The following PGBD5 variants were observed in gnomAD, a reference collection of about 807,000 sequenced individuals.
PGBD5 encodes the protein piggyBac transposable element-derived protein 5.
PGBD5 carries 14 observed loss-of-function variants against 47.9 expected under a neutral mutation model. The ratio of observed to expected loss-of-function variants is 0.29; its 90% CI spans 0.19 to 0.46. The LOEUF is 0.46. Among genes scored for constraint, PGBD5 ranks in the 20% least tolerant of loss-of-function variants. The pLI, the probability that PGBD5 is intolerant of heterozygous loss-of-function variation, is 1.00. For missense variants in PGBD5, 635 were observed against 716.0 expected, an observed-to-expected ratio of 0.89 and a Z score of 1.29; for synonymous variants, 316 against 306.3, an observed-to-expected ratio of 1.03 and a Z score of -0.33.
Position 230,321,931 on chromosome 1 carries a change from G to A in PGBD5, c.*1494C>T, listed in dbSNP as rs965925001. On this transcript the variant is annotated 3_prime_UTR_variant, in exon 7 of 7. Coordinates refer to ENST00000391860, the MANE Select transcript of PGBD5 (RefSeq NM_001258311.2). ...AGGGCGGGGGAGTCACCATGATCTAGAGCACAGGAGCCACGTGGGGCCCGG... is the reference window on the plus strand; with the variant it reads ...AGGGCGGGGGAGTCACCATGATCTAAAGCACAGGAGCCACGTGGGGCCCGG... 2.6e-5 allele frequency: 4 copies of A among 152,596 alleles called. No individual in the cohort carries two copies. The highest frequency in any genetic ancestry group is 9.6e-5 in the African/African-American group (4 of 41,462). The allele number at this position is 152,596 out of a possible 1,614,324, so 9.5% of individuals were successfully genotyped here. A position where few individuals can be genotyped will look rare whatever the true frequency, so the allele number is the denominator to read the frequency against.
intron 1 of PGBD5, among the ~76,000 whole-genome samples, chr1:230,358,598 C>T (rs570102457): frequency 1.3e-5 from 2 of 152,086 alleles, no homozygotes; most frequent in African/African-American, 2.4e-5. Flanking sequence ...CCCGCCCCCC[C>T]ACAAGATGTT....
At chr1:230,390,732 T>C (rs75356415) in intron 1 of PGBD5, among the ~76,000 whole-genome samples, 2 of 152,168 alleles carry the variant, frequency 1.3e-5, no homozygotes, top group East Asian at 3.9e-4. Context: ...TAGCAGAGGC[T>C]CATTGCCAGT....
rs1049000845 is a variant in PGBD5 at position 230,425,692 on chromosome 1, G to A, written c.237C>T (p.Ala79=). Residue 79 remains alanine (A), a synonymous_variant, in exon 1 of 7, where the codon GCC becomes GCT. Transcript: ENST00000391860. The surrounding 1 kb of genome is among the most constrained non-coding windows in gnomAD (Gnocchi z 4.7). ...CCTCCTCCGGCTCCTGTGCGTCCGG[G>A]GCGCGGGGCGGTGGCGGGGCGGCCC... ...PPGAAPPPPR[A]PDAQEPEEDE... 10 of 1,216,488 alleles carry A rather than the reference G, an allele frequency of 8.2e-6. No individual in the cohort carries two copies. Among genetic ancestry groups the A allele is most frequent in the Non-Finnish European group, 1.0e-5 (10 of 978,224 alleles). 75.4% of individuals were successfully genotyped at this position (1,216,488 alleles called of 1,614,324 possible). A position where few individuals can be genotyped will look rare whatever the true frequency, so the allele number is the denominator to read the frequency against.
At chr1:230,358,892 A>C (rs1667699969) in intron 1 of PGBD5, among the ~76,000 whole-genome samples, 1 of 152,144 alleles carries the variant, frequency 6.6e-6, no homozygotes. Context: ...CTAATGATGC[A>C]TTTCTCAGAA....
At chr1:230,399,539 T>A (rs1349560379) in intron 1 of PGBD5, among the ~76,000 whole-genome samples, 1 of 152,138 alleles carries the variant, frequency 6.6e-6, no homozygotes, top group Non-Finnish European at 1.5e-5. Context: ...GGCAGGTACA[T>A]GCCATCTCCT....
At chr1:230,408,265 T>C (rs1490258471) in intron 1 of PGBD5, among the ~76,000 whole-genome samples, 1 of 152,222 alleles carries the variant, frequency 6.6e-6, no homozygotes, top group Non-Finnish European at 1.5e-5. Flanking sequence ...TCTTGTATCC[T>C]AGAAATTCCT....
At chr1:230,385,144 G>A (rs1429971781) in intron 1 of PGBD5, among the ~76,000 whole-genome samples, 3 of 151,866 alleles carry the variant, frequency 2.0e-5, no homozygotes, top group Non-Finnish European at 2.9e-5. Context: ...TCAGTCTCGC[G>A]CACGTGTTAT....
At chr1:230,367,311 C>T (rs1667851180) in intron 1 of PGBD5, among the ~76,000 whole-genome samples, 1 of 152,192 alleles carries the variant, frequency 6.6e-6, no homozygotes, top group Non-Finnish European at 1.5e-5. Context: ...TGGCACACGT[C>T]CTCCTGCCCT....
At chr1:230,331,975 T>C (rs889499481) in intron 5 of PGBD5, among the ~76,000 whole-genome samples, 3 of 2,124 alleles carry the variant, frequency 1.4e-3, no homozygotes, top group African/African-American at 2.0e-3. Context: ...GCAACATACA[T>C]TAAACATAGA....
chr1:230,397,024 C>T (rs1657001703), intron 1 of PGBD5, among the ~76,000 whole-genome samples: 1 of 152,196 alleles, frequency 6.6e-6, no homozygotes, highest in African/African-American at 2.4e-5. Context: ...CTGGGAGGTG[C>T]ACTGTTGTCA....
intron 1 of PGBD5, among the ~76,000 whole-genome samples, chr1:230,410,033 AAGAG>A (rs1379745677): frequency 1.3e-5 from 2 of 152,212 alleles, no homozygotes; most frequent in Non-Finnish European, 2.9e-5. Context: ...TATGCTGTTC[AAGAG>A]ACATACCTAA....
At chr1:230,424,074 G>A (rs1012489116) in intron 1 of PGBD5, among the ~76,000 whole-genome samples, 2 of 152,002 alleles carry the variant, frequency 1.3e-5, no homozygotes, top group African/African-American at 4.8e-5. Context: ...TCTCTATTTC[G>A]CCCTGAGACA....
In PGBD5 at chr1:230,317,236, C is replaced by CA. The variant is rs1164552359; in HGVS notation, c.*6188dup. 6.6e-6 allele frequency: 1 copy of CA among 152,318 alleles called. No individual in the cohort carries two copies. The highest frequency in any genetic ancestry group is 1.5e-5 in the Non-Finnish European group (1 of 68,116). The allele number at this position is 152,318 out of a possible 1,614,324, so 9.4% of individuals were successfully genotyped here. ...GGTAACACGTGCCCAGTTCTTAGCACAATGCCTGGCCTGTAGCAGTTCAGA... is the reference window on the plus strand; with the variant it reads ...GGTAACACGTGCCCAGTTCTTAGCACAAATGCCTGGCCTGTAGCAGTTCAGA... On this transcript the variant is annotated 3_prime_UTR_variant, in exon 7 of 7. Transcript: ENST00000391860.
chr1:230,359,819 C>T (rs1667715343), intron 1 of PGBD5, among the ~76,000 whole-genome samples: 1 of 152,232 alleles, frequency 6.6e-6, no homozygotes, highest in Non-Finnish European at 1.5e-5. Context: ...CTCTAACTAT[C>T]TGCATTTTAC....
chr1:230,380,809 C>T (rs1656444290), intron 1 of PGBD5, among the ~76,000 whole-genome samples: 1 of 152,152 alleles, frequency 6.6e-6, no homozygotes, highest in Non-Finnish European at 1.5e-5. Flanking sequence ...GCTCTGTCCA[C>T]CAAAAGGCTC....
chr1:230,315,934 ATATG>A lies in PGBD5; in HGVS notation c.*7487_*7490del, dbSNP rs774209838. On this transcript the variant is annotated 3_prime_UTR_variant, in exon 7 of 7. Coordinates refer to ENST00000391860, the MANE Select transcript of PGBD5 (RefSeq NM_001258311.2). ...TGTATATGTGTATATGTGTACACAT[ATATG>A]TATGTGTATACATACATAAGTATAT... 3 of 122,954 alleles carry A rather than the reference ATATG, an allele frequency of 2.4e-5. No individual in the cohort carries two copies. The highest frequency in any genetic ancestry group is 6.1e-5 in the African/African-American group (2 of 32,800). 7.6% of individuals were successfully genotyped at this position (122,954 alleles called of 1,614,324 possible).
intron 1 of PGBD5, among the ~76,000 whole-genome samples, chr1:230,410,961 G>C (rs74909981): frequency 0.015 from 2,268 of 152,072 alleles, 65 homozygotes; most frequent in African/African-American, 0.052. Flanking sequence ...TGAGGGGAAA[G>C]GTAGGGGAAG....
chr1:230,412,448 G>A (rs1017187687), intron 1 of PGBD5, among the ~76,000 whole-genome samples: 1 of 149,144 alleles, frequency 6.7e-6, no homozygotes, highest in Non-Finnish European at 1.5e-5. Context: ...GAGTGCAATG[G>A]CGTGATCTTG....
Position 230,388,128 on chromosome 1 carries a change from C to T in PGBD5, c.332-30807G>A, listed in dbSNP as rs185393006. On this transcript the variant is annotated intron_variant, in intron 1 of 6. Transcript: ENST00000391860. Reference sequence around the variant, plus strand: ...ATCCCTGCTCTACTGCAATGGAGAGCCACTGAAGGGCTGTGCATGAGGATG... The same window carrying T: ...ATCCCTGCTCTACTGCAATGGAGAGTCACTGAAGGGCTGTGCATGAGGATG... 3.1e-4 allele frequency among the ~76,000 whole-genome samples: 47 copies of T among 152,284 alleles called. No individual in the cohort carries two copies. In the East Asian group the frequency reaches 8.5e-3, roughly 28 times the overall value.
Sources: gnomAD v4.1 joint callset for allele counts (sites outside exome capture counted in the v4.1 genomes callset) on GRCh38, gnomAD v4.1.1 for gene constraint, Gnocchi (gnomAD v3.1) non-coding constraint, MANE v1.5 for transcripts, NCBI Gene and HGNC (gene_info 2026-07-23, HGNC 2026-07-21) for gene names.